Variants in COL5A1 observed in about 807,000 individuals in gnomAD.
COL5A1 encodes collagen type V alpha 1 chain.
A neutral mutation model predicts 263.7 loss-of-function variants in COL5A1; 16 were observed. The observed-to-expected ratio is 0.06, with a 90% CI of 0.04 to 0.09. The LOEUF (loss-of-function observed/expected upper bound fraction) is 0.09, where lower values mean the gene tolerates loss of function less well. COL5A1 is among the 10% of genes least tolerant of loss of function. COL5A1 has a pLI of 1.00. For missense variants in COL5A1, 2,036 were observed against 2,540.5 expected (o/e 0.80, Z 4.27); for synonymous variants, 1,012 against 1,004.5 (o/e 1.01, Z -0.14).
Position 134,807,584 on chromosome 9 carries a change from C to T in COL5A1, c.3366+1288C>T, listed in dbSNP as rs572941255. Reference sequence around the variant, plus strand: ...CTGGGATTACAGGCGTGAGCCACTGCGCCCAGCCAGAAACTGTGATTTTCT... The same window carrying T: ...CTGGGATTACAGGCGTGAGCCACTGTGCCCAGCCAGAAACTGTGATTTTCT... On this transcript the variant is annotated intron_variant, in intron 42 of 65. Coordinates refer to ENST00000371817, the MANE Select transcript of COL5A1 (RefSeq NM_000093.5). Among the ~76,000 whole-genome samples, 172 of 152,352 alleles carry T rather than the reference C, an allele frequency of 1.1e-3. 1 individual carries two copies. The Middle Eastern group carries it at 0.014, about 12-fold the overall frequency.
intron 23 of COL5A1, 108 bp downstream of exon 23, chr9:134,767,161 C>T: frequency 1.4e-6 from 2 of 1,421,696 alleles, no homozygotes; most frequent in Non-Finnish European, 2.0e-6. Flanking sequence ...CTCCAAGTAG[C>T]AGCCCCTCCC....
chr9:134,789,070 C>A lies in COL5A1; in HGVS notation c.2647-85C>A. On this transcript the variant is annotated intron_variant, in intron 31 of 65. Transcript: ENST00000371817. This position sits in a 1 kb window ranked among gnomAD's most constrained non-coding sequence, Gnocchi z 4.8. ...GTCTGGGGCAGAGGCTGTGCACTGG[C>A]ATGCAGGTGGTCCCCCAGGCGGCCC... 3 of 1,187,802 alleles carry A rather than the reference C, an allele frequency of 2.5e-6. No homozygotes were observed. The highest frequency in any genetic ancestry group is 3.7e-6 in the Non-Finnish European group (3 of 803,352). The allele number at this position is 1,187,802 out of a possible 1,614,324, so 73.6% of individuals were successfully genotyped here.
intron 11 of COL5A1, among the ~76,000 whole-genome samples, chr9:134,748,025 T>C (rs1564429034): frequency 9.9e-6 from 1 of 100,558 alleles, no homozygotes; most frequent in South Asian, 3.0e-4. Flanking sequence ...ACACATGCAT[T>C]CATACACATG....
intron 37 of COL5A1, among the ~76,000 whole-genome samples, chr9:134,800,174 T>A (rs929235543): frequency 6.6e-6 from 1 of 152,176 alleles, no homozygotes; most frequent in Non-Finnish European, 1.5e-5. Context: ...AGGGCTAAGG[T>A]CATATTCTGT....
chr9:134,831,599 G>C (rs1188313168), intron 64 of COL5A1, among the ~76,000 whole-genome samples: 1 of 152,166 alleles, frequency 6.6e-6, no homozygotes, highest in African/African-American at 2.4e-5. Context: ...GAAGCTGCTG[G>C]GGGCCGAGGT....
intron 37 of COL5A1, among the ~76,000 whole-genome samples, chr9:134,799,083 G>C (rs1436118691): frequency 6.6e-6 from 1 of 152,144 alleles, no homozygotes; most frequent in Non-Finnish European, 1.5e-5. Context: ...CCTCTAACTA[G>C]TCACTCCGCT....
intron 65 of COL5A1, among the ~76,000 whole-genome samples, chr9:134,839,340 G>A (rs895062558): frequency 2.0e-5 from 3 of 152,282 alleles, no homozygotes; most frequent in African/African-American, 7.2e-5. Flanking sequence ...GGCTCGCAGC[G>A]GCCTACTTTA....
At chr9:134,715,767 A>G (rs1479728499) in intron 4 of COL5A1, among the ~76,000 whole-genome samples, 1 of 152,246 alleles carries the variant, frequency 6.6e-6, no homozygotes, top group Non-Finnish European at 1.5e-5. Flanking sequence ...GGTTAGAGGT[A>G]AGGTTACAGA....
chr9:134,742,550 G>C lies in COL5A1; in HGVS notation c.1494+3742G>C, dbSNP rs1835340677. Among the ~76,000 whole-genome samples, 1 of 152,188 alleles carries C rather than the reference G, an allele frequency of 6.6e-6. No individual in the cohort carries two copies. ...ACCTGGGGTTGAACTCAGATCTCCT[G>C]TGGCAGAAGGAAGGTGGCCACTCTT... On this transcript the variant is annotated intron_variant, in intron 11 of 65. Coordinates refer to ENST00000371817, the MANE Select transcript of COL5A1 (RefSeq NM_000093.5). The surrounding 1 kb of genome is among the most constrained non-coding windows in gnomAD (Gnocchi z 4.6).
chr9:134,698,968 G>A (rs1362443210), intron 2 of COL5A1, among the ~76,000 whole-genome samples: 5 of 152,204 alleles, frequency 3.3e-5, no homozygotes, highest in East Asian at 1.9e-4. Context: ...CTGGGACACC[G>A]CTCCTTCTGG....
At chr9:134,822,722 C>CA (rs1564484885) in intron 59 of COL5A1, among the ~76,000 whole-genome samples, 1 of 150,332 alleles carries the variant, frequency 6.7e-6, no homozygotes, top group Non-Finnish European at 1.5e-5. Flanking sequence ...TCCGCTGCGC[C>CA]CCCCCCGCGG....
intron 1 of COL5A1, among the ~76,000 whole-genome samples, chr9:134,670,895 T>C (rs1353411808): frequency 6.6e-6 from 1 of 152,184 alleles, no homozygotes; most frequent in African/African-American, 2.4e-5. Context: ...TCTCCCCACC[T>C]GGTGGCTGCA....
chr9:134,738,281 C>T (rs1458179832), intron 9 of COL5A1, among the ~76,000 whole-genome samples, 193 bp from the exon 10 acceptor site: 1 of 152,206 alleles, frequency 6.6e-6, no homozygotes, highest in African/African-American at 2.4e-5. Flanking sequence ...CTTCTGCCAG[C>T]GAGTGCCAGG....
intron 63 of COL5A1, among the ~76,000 whole-genome samples, chr9:134,826,866 G>GGC (rs1839300101): frequency 6.6e-6 from 1 of 151,072 alleles, no homozygotes; most frequent in African/African-American, 2.5e-5. Context: ...GTGTGTGGCT[G>GGC]GTGTATGTGG....
chr9:134,772,434 ACTGGAGGG>A (rs1473917586), intron 25 of COL5A1, among the ~76,000 whole-genome samples: 2 of 152,218 alleles, frequency 1.3e-5, no homozygotes, highest in Non-Finnish European at 2.9e-5. Flanking sequence ...GTGGACCTGC[ACTGGAGGG>A]CGGGCTGGCT....
Position 134,818,534 on chromosome 9 carries a change from C to T in COL5A1, c.4231-122C>T. ...ATGAAATGTGGAGAATTAGGGCAAC[C>T]CCGGATATGGGGTCACCTGGGACTC... On this transcript the variant is annotated intron_variant, in intron 54 of 65. Transcript: ENST00000371817. The surrounding 1 kb of genome is among the most constrained non-coding windows in gnomAD (Gnocchi z 6.0). 1.4e-6 allele frequency: 1 copy of T among 719,410 alleles called. No individual in the cohort carries two copies. The highest frequency in any genetic ancestry group is 2.4e-6 in the Non-Finnish European group (1 of 409,048). 44.6% of individuals were successfully genotyped at this position (719,410 alleles called of 1,614,324 possible). A position where few individuals can be genotyped will look rare whatever the true frequency, so the allele number is the denominator to read the frequency against.
chr9:134,701,340 A>C lies in COL5A1; in HGVS notation c.654+7A>C. 4 of 1,613,020 alleles carry C rather than the reference A, an allele frequency of 2.5e-6. No individual in the cohort carries two copies. The highest frequency in any genetic ancestry group is 3.4e-6 in the Non-Finnish European group (4 of 1,179,644). On this transcript the variant is annotated splice_region_variant and intron_variant, in intron 4 of 65. Transcript: ENST00000371817. ...GGATGAGGAGGTGTTTGAGGTGAGCAGGAGGGCAGACCAACCCCTGTGCCC... is the reference window on the plus strand; with the variant it reads ...GGATGAGGAGGTGTTTGAGGTGAGCCGGAGGGCAGACCAACCCCTGTGCCC...
chr9:134,807,299 T>C (rs745972934), intron 42 of COL5A1, among the ~76,000 whole-genome samples: 1 of 152,218 alleles, frequency 6.6e-6, no homozygotes, highest in Non-Finnish European at 1.5e-5. Context: ...AGCTGTTTTC[T>C]TTCTCTTTTT....
Position 134,818,113 on chromosome 9 carries a change from C to A in COL5A1, c.4230+282C>A, listed in dbSNP as rs1018084154. Among the ~76,000 whole-genome samples the A allele has an allele frequency of 2.0e-5, 3 of 152,166 alleles. No individual in the cohort carries two copies. The highest frequency in any genetic ancestry group is 7.2e-5 in the African/African-American group (3 of 41,452). On this transcript the variant is annotated intron_variant, in intron 54 of 65. Coordinates refer to ENST00000371817, the MANE Select transcript of COL5A1 (RefSeq NM_000093.5). This position sits in a 1 kb window ranked among gnomAD's most constrained non-coding sequence, Gnocchi z 6.0. ...GGAGCCCAAGGCTGAGTAGTTATGTCCCCCGGAGCCCTGCGACCTCATGCC... is the reference window on the plus strand; with the variant it reads ...GGAGCCCAAGGCTGAGTAGTTATGTACCCCGGAGCCCTGCGACCTCATGCC...
Sources: gnomAD v4.1 joint callset for allele counts (sites outside exome capture counted in the v4.1 genomes callset) on GRCh38, gnomAD v4.1.1 for gene constraint, Gnocchi (gnomAD v3.1) non-coding constraint, MANE v1.5 for transcripts, NCBI Gene and HGNC (gene_info 2026-07-23, HGNC 2026-07-21) for gene names.